The following KCNS3 variants were observed in gnomAD, a reference collection of about 807,000 sequenced individuals.
KCNS3 encodes the protein potassium voltage-gated channel modifier subfamily S member 3.
In KCNS3, 13 loss-of-function variants were observed where a neutral mutation model predicts 31.0. The observed-to-expected ratio is 0.42, with a 90% CI of 0.27 to 0.67. KCNS3 has a LOEUF of 0.67. KCNS3 is among the 30% of genes least tolerant of loss of function. The pLI, the probability that KCNS3 is intolerant of heterozygous loss-of-function variation, is 0.25. For synonymous variants in KCNS3, 238 were observed against 241.5 expected (o/e 0.99, Z 0.13); for missense variants, 545 against 622.4 (o/e 0.88, Z 1.32).
chr2:17,908,909 G>T (rs545075370), intron 1 of KCNS3, among the ~76,000 whole-genome samples: 1 of 152,284 alleles, frequency 6.6e-6, no homozygotes, highest in South Asian at 2.1e-4. Flanking sequence ...CGGGGGTCAG[G>T]GACTCACTTG....
intron 1 of KCNS3, among the ~76,000 whole-genome samples, chr2:17,915,468 G>C (rs994931299): frequency 2.6e-5 from 4 of 152,092 alleles, no homozygotes; most frequent in African/African-American, 9.7e-5. Flanking sequence ...CCCAATCCCT[G>C]CTTGACCTTC....
chr2:17,900,587 T>G (rs964541753), intron 1 of KCNS3, among the ~76,000 whole-genome samples: 2 of 152,112 alleles, frequency 1.3e-5, no homozygotes, highest in African/African-American at 4.8e-5. Flanking sequence ...CCTCCCAGGT[T>G]CAAGCAATTT....
At position 17,895,961 on chromosome 2, in the gene KCNS3, A is replaced by G. The variant is rs149417529; in HGVS notation, c.-252+17155A>G. On this transcript the variant is annotated intron_variant, in intron 1 of 2. Coordinates refer to ENST00000304101, the MANE Select transcript of KCNS3 (RefSeq NM_002252.5). ...GCCAAACAGACAGGATAGAGTTTAG[A>G]CTCCATCCTGAAGATGCTGGGAAGC... 4.9e-3 allele frequency among the ~76,000 whole-genome samples: 741 copies of G among 152,190 alleles called. 3 individuals carry two copies. The highest frequency in any genetic ancestry group is 7.6e-3 in the Non-Finnish European group (518 of 67,984).
At chr2:17,882,051 A>G (rs898557814) in intron 1 of KCNS3, among the ~76,000 whole-genome samples, 3 of 152,188 alleles carry the variant, frequency 2.0e-5, no homozygotes, top group Non-Finnish European at 4.4e-5. Flanking sequence ...TTGTACTCCG[A>G]CGCAAATTTG....
At chr2:17,910,452 C>T (rs192002992) in intron 1 of KCNS3, among the ~76,000 whole-genome samples, 1 of 152,262 alleles carries the variant, frequency 6.6e-6, no homozygotes. Flanking sequence ...ACACAGACCC[C>T]CTACTCTAAC....
intron 1 of KCNS3, among the ~76,000 whole-genome samples, chr2:17,895,691 A>G (rs1039431987): frequency 1.3e-5 from 2 of 152,198 alleles, no homozygotes; most frequent in African/African-American, 4.8e-5. Flanking sequence ...GTGCTTGTGT[A>G]GCATTAGGTG....
At chr2:17,892,360 T>C (rs1661880651) in intron 1 of KCNS3, among the ~76,000 whole-genome samples, 3 of 152,126 alleles carry the variant, frequency 2.0e-5, no homozygotes, top group Admixed American at 6.5e-5. Context: ...TGGATCTCCT[T>C]GCATTGGGCC....
intron 1 of KCNS3, among the ~76,000 whole-genome samples, chr2:17,905,484 T>G (rs1445051975): frequency 2.6e-5 from 4 of 152,142 alleles, no homozygotes; most frequent in South Asian, 2.1e-4. Context: ...CTGGCCAGAA[T>G]TTCCAACACT....
chr2:17,900,565 C>T (rs911420038), intron 1 of KCNS3, among the ~76,000 whole-genome samples: 2 of 152,142 alleles, frequency 1.3e-5, no homozygotes, highest in African/African-American at 4.8e-5. Context: ...TTTTGGCTCA[C>T]TGCAACCTCT....
rs545273758 is a variant in KCNS3 at position 17,889,917 on chromosome 2, T to C, written c.-252+11111T>C. On this transcript the variant is annotated intron_variant, in intron 1 of 2. Coordinates refer to ENST00000304101, the MANE Select transcript of KCNS3 (RefSeq NM_002252.5). ...TGGTTATATCCTTTCCTGGTTTTGGTATTAGGGTGATCCTTGCTTCATAGA... is the reference window on the plus strand; with the variant it reads ...TGGTTATATCCTTTCCTGGTTTTGGCATTAGGGTGATCCTTGCTTCATAGA... Among the ~76,000 whole-genome samples, 16 of 152,272 alleles carry C rather than the reference T, an allele frequency of 1.1e-4. 1 individual carries two copies. The South Asian group carries it at 3.3e-3, about 32-fold the overall frequency.
At position 17,932,228 on chromosome 2, in the gene KCNS3, A is replaced by G. The variant is rs1208657481; in HGVS notation, c.1220A>G (p.Asn407Ser). The G allele has an allele frequency of 4.3e-6, 7 of 1,613,830 alleles. No homozygotes were observed. The highest frequency in any genetic ancestry group is 1.6e-4 in the Middle Eastern group (1 of 6,084). ...GCCCTTCCCATCACCATCATCTTCA[A>G]CAAGTTTTCCAAGTACTACCAGAAG... Reference protein sequence around the residue: ...VVALPITIIFNKFSKYYQKQK... With the variant: ...VVALPITIIFSKFSKYYQKQK... The change falls in exon 3 of 3, where the codon AAC (asparagine) becomes AGC (serine). Residue 407 changes from asparagine (N) to serine (S), a missense_variant. Coordinates refer to ENST00000304101, the MANE Select transcript of KCNS3 (RefSeq NM_002252.5).
In KCNS3 at chr2:17,896,265, T is replaced by C. The variant is rs1309562118; in HGVS notation, c.-252+17459T>C. On this transcript the variant is annotated intron_variant, in intron 1 of 2. Coordinates refer to ENST00000304101, the MANE Select transcript of KCNS3 (RefSeq NM_002252.5). ...GATCTTGCTGTGTTGCCCAGACTGG[T>C]CTTGAACTCCTGGACTCAAGCAATG... is the stretch of plus-strand genomic sequence containing the variant. Among the ~76,000 whole-genome samples, 3 of 152,042 alleles carry C rather than the reference T, an allele frequency of 2.0e-5. No homozygotes were observed. The East Asian group carries it at 5.8e-4, about 29-fold the overall frequency.
At chr2:17,888,597 T>C (rs573601517) in intron 1 of KCNS3, among the ~76,000 whole-genome samples, 224 of 135,212 alleles carry the variant, frequency 1.7e-3, no homozygotes, top group African/African-American at 6.0e-3. Context: ...TGTGCACATG[T>C]ACCCTAGAAC....
intron 2 of KCNS3, 149 bp downstream of exon 2, chr2:17,918,020 G>A (rs563281844): frequency 6.5e-6 from 1 of 152,698 alleles, no homozygotes; most frequent in Non-Finnish European, 1.5e-5. Flanking sequence ...ATGACTATGG[G>A]AAGAAAAGTG....
chr2:17,900,005 C>T (rs542377267), intron 1 of KCNS3, among the ~76,000 whole-genome samples: 2 of 152,120 alleles, frequency 1.3e-5, no homozygotes, highest in Admixed American at 6.5e-5. Flanking sequence ...CGATGTGCCT[C>T]CCCAGTATGG....
intron 1 of KCNS3, among the ~76,000 whole-genome samples, chr2:17,884,023 G>A (rs1379791087): frequency 1.4e-5 from 2 of 144,866 alleles, no homozygotes; most frequent in Non-Finnish European, 3.0e-5. Flanking sequence ...ACCAAACACT[G>A]CATGTTCTCA....
chr2:17,912,562 G>T (rs912973453), intron 1 of KCNS3, among the ~76,000 whole-genome samples: 3 of 152,198 alleles, frequency 2.0e-5, no homozygotes, highest in Non-Finnish European at 4.4e-5. Flanking sequence ...GCAGGGAAGC[G>T]CCTGGTCTGC....
chr2:17,915,945 T>C (rs1287436349), intron 1 of KCNS3, among the ~76,000 whole-genome samples: 1 of 152,074 alleles, frequency 6.6e-6, no homozygotes, highest in African/African-American at 2.4e-5. Flanking sequence ...CATTTATTCA[T>C]TAGACATAGA....
At chr2:17,912,653 G>C (rs1330996391) in intron 1 of KCNS3, among the ~76,000 whole-genome samples, 1 of 152,226 alleles carries the variant, frequency 6.6e-6, no homozygotes. Context: ...CATTCCCCAG[G>C]GGGAGGTTGT....
Sources: gnomAD v4.1 joint callset for allele counts (sites outside exome capture counted in the v4.1 genomes callset) on GRCh38, gnomAD v4.1.1 for gene constraint, MANE v1.5 for transcripts, NCBI Gene and HGNC (gene_info 2026-07-23, HGNC 2026-07-21) for gene names.